GFRA2: variants seen among roughly 807,000 people sequenced by gnomAD.
The protein encoded by GFRA2 is GDNF family receptor alpha-2.
A neutral mutation model predicts 48.3 loss-of-function variants in GFRA2; 17 were observed. The observed-to-expected ratio is 0.35, with a 90% CI of 0.24 to 0.53. GFRA2 has a LOEUF of 0.53. Among genes scored for constraint, GFRA2 ranks in the 20% least tolerant of loss-of-function variants. The probability of loss-of-function intolerance (pLI) is 0.93; values close to 1 mark genes in which losing one functional copy is unlikely to be tolerated. For missense variants in GFRA2, 660 were observed against 637.3 expected (o/e 1.04, Z -0.38); for synonymous variants, 305 against 257.2 (o/e 1.19, Z -1.78).
intron 4 of GFRA2, among the ~76,000 whole-genome samples, chr8:21,716,308 G>C (rs200492953): frequency 6.9e-6 from 1 of 144,116 alleles, no homozygotes; most frequent in Middle Eastern, 3.3e-3. Flanking sequence ...GGGAAACAAA[G>C]AAAAAAAAAA....
At chr8:21,789,011 G>T (rs1259375116), upstream of GFRA2, among the ~76,000 whole-genome samples, 3 of 135,262 alleles carry the variant, frequency 2.2e-5, no homozygotes, top group African/African-American at 9.5e-5. Context: ...CTCGGCGCTC[G>T]GGCTCCCAGG....
At chr8:21,748,274 C>T (rs1585291226) in intron 4 of GFRA2, among the ~76,000 whole-genome samples, 1 of 152,100 alleles carries the variant, frequency 6.6e-6, no homozygotes, top group Non-Finnish European at 1.5e-5. Flanking sequence ...GCTGCATGTC[C>T]AATACCACCC....
At chr8:21,768,574 C>T (rs1171240492) in intron 3 of GFRA2, among the ~76,000 whole-genome samples, 18 of 152,278 alleles carry the variant, frequency 1.2e-4, no homozygotes, top group East Asian at 1.9e-4. Context: ...CTCCTGCCTC[C>T]GGGCCTGGGG....
At chr8:21,769,699 GAC>G (rs2117685978) in intron 3 of GFRA2, among the ~76,000 whole-genome samples, 1 of 152,260 alleles carries the variant, frequency 6.6e-6, no homozygotes, top group African/African-American at 2.4e-5. Context: ...GGCCACACAG[GAC>G]ACAGAGACCA....
At chr8:21,701,735 G>GCC (rs1287561075) in intron 7 of GFRA2, among the ~76,000 whole-genome samples, 1 of 152,178 alleles carries the variant, frequency 6.6e-6, no homozygotes, top group Non-Finnish European at 1.5e-5. Context: ...ATTTGAGCAG[G>GCC]CCCCCGATGG....
chr8:21,703,239 C>T (rs186405430), intron 6 of GFRA2, among the ~76,000 whole-genome samples: 1 of 151,996 alleles, frequency 6.6e-6, no homozygotes, highest in Non-Finnish European at 1.5e-5. Context: ...ATGGGGAACA[C>T]AGAAGAAAAA....
chr8:21,693,440 TG>T, intron 8 of GFRA2, 40 bp from the exon 9 acceptor site: 1 of 1,568,716 alleles, frequency 6.4e-7, no homozygotes, highest in Non-Finnish European at 8.7e-7. Context: ...ACAAAGAGAA[TG>T]AAAACAAAGA....
Position 21,730,403 on chromosome 8 carries a change from C to CA in GFRA2, c.794+20184dup, listed in dbSNP as rs11327972. On this transcript the variant is annotated intron_variant, in intron 4 of 8. Coordinates refer to ENST00000524240, the MANE Select transcript of GFRA2 (RefSeq NM_001495.5). The stretch of plus-strand genomic sequence containing the variant: ...GGGCAACAAGAGCAAAACTCTGTCT[C>CA]AAAAAAAAAACAGGTTACCCATCCT... 2.1e-3 allele frequency among the ~76,000 whole-genome samples: 310 copies of CA among 149,634 alleles called. 1 individual carries two copies. The highest frequency in any genetic ancestry group is 7.3e-3 in the African/African-American group (296 of 40,370).
intron 4 of GFRA2, among the ~76,000 whole-genome samples, chr8:21,725,929 A>G (rs1303467551): frequency 6.6e-6 from 1 of 152,218 alleles, no homozygotes; most frequent in South Asian, 2.1e-4. Flanking sequence ...GACAGTCACA[A>G]GGGCAGAGCC....
chr8:21,707,257 T>A (rs1052298849), intron 4 of GFRA2, among the ~76,000 whole-genome samples: 1 of 152,156 alleles, frequency 6.6e-6, no homozygotes, highest in Admixed American at 6.5e-5. Flanking sequence ...CCTTTGCACA[T>A]ATAGCACCTC....
chr8:21,772,107 G>C (rs1377556417), intron 3 of GFRA2, among the ~76,000 whole-genome samples: 2 of 152,140 alleles, frequency 1.3e-5, no homozygotes, highest in Admixed American at 6.5e-5. Flanking sequence ...TGTGTGCCTT[G>C]ATGGGACAAA....
chr8:21,741,416 C>T (rs1804738628), intron 4 of GFRA2, among the ~76,000 whole-genome samples: 1 of 152,142 alleles, frequency 6.6e-6, no homozygotes, highest in African/African-American at 2.4e-5. Context: ...CAAGCAGATT[C>T]CCCCTCTCTG....
At chr8:21,731,827 G>C (rs1804211201) in intron 4 of GFRA2, among the ~76,000 whole-genome samples, 1 of 152,218 alleles carries the variant, frequency 6.6e-6, no homozygotes, top group Non-Finnish European at 1.5e-5. Flanking sequence ...AAACTACAAT[G>C]ACTCAAAAGT....
At chr8:21,761,810 C>T (rs763840385) in intron 3 of GFRA2, among the ~76,000 whole-genome samples, 2 of 151,968 alleles carry the variant, frequency 1.3e-5, no homozygotes, top group Non-Finnish European at 2.9e-5. Flanking sequence ...ATTAGCTGGG[C>T]GTGATGGTGC....
At chr8:21,702,287 G>C (rs930867940) in intron 7 of GFRA2, among the ~76,000 whole-genome samples, 23 of 152,294 alleles carry the variant, frequency 1.5e-4, no homozygotes, top group African/African-American at 5.3e-4. Flanking sequence ...AGCTGCTCCT[G>C]AGCAGGGGAG....
At chr8:21,730,059 T>C (rs1208140926) in intron 4 of GFRA2, among the ~76,000 whole-genome samples, 1 of 151,820 alleles carries the variant, frequency 6.6e-6, no homozygotes, top group East Asian at 1.9e-4. Flanking sequence ...GGGGGCCTCA[T>C]AAAGGTGTTT....
chr8:21,753,925 C>T (rs4427162), intron 3 of GFRA2, among the ~76,000 whole-genome samples: 14,864 of 152,222 alleles, frequency 0.098, 2,222 homozygotes, highest in African/African-American at 0.32. Flanking sequence ...ACGCCCATCA[C>T]GGCGTGGCCA....
At chr8:21,702,780 C>A in intron 7 of GFRA2, 25 bp downstream of exon 7, 1 of 1,564,720 alleles carries the variant, frequency 6.4e-7, no homozygotes, top group South Asian at 1.2e-5. Flanking sequence ...GGTGCTCCCC[C>A]CACGCCTCAG....
intron 2 of GFRA2, among the ~76,000 whole-genome samples, chr8:21,801,245 G>A (rs1012002250): frequency 2.6e-5 from 4 of 152,060 alleles, no homozygotes; most frequent in African/African-American, 7.2e-5. Flanking sequence ...AATGGGACTC[G>A]TGGTCTCATT....
Sources: gnomAD v4.1 joint callset for allele counts (sites outside exome capture counted in the v4.1 genomes callset) on GRCh38, gnomAD v4.1.1 for gene constraint, MANE v1.5 for transcripts, NCBI Gene and HGNC (gene_info 2026-07-23, HGNC 2026-07-21) for gene names.